Variants in TFEC observed in about 807,000 individuals in gnomAD.
TFEC encodes the protein class E basic helix-loop-helix protein 34.
A neutral mutation model predicts 41.6 loss-of-function variants in TFEC; 31 were observed. That is an observed-to-expected ratio of 0.74 (90% CI 0.56 to 1.01). The LOEUF (loss-of-function observed/expected upper bound fraction) is 1.01. Among genes scored for constraint, TFEC ranks in the 50% least tolerant of loss-of-function variants. The pLI, the probability that TFEC is intolerant of heterozygous loss-of-function variation, is 0.00. For missense variants in TFEC, 402 were observed against 404.1 expected, an observed-to-expected ratio of 0.99 and a Z score of 0.04; for synonymous variants, 143 against 140.6, an observed-to-expected ratio of 1.02 and a Z score of -0.12.
chr7:115,992,119 C>T (rs1463106049), intron 1 of TFEC, among the ~76,000 whole-genome samples: 1 of 152,020 alleles, frequency 6.6e-6, no homozygotes, highest in African/African-American at 2.4e-5. Context: ...GGGTACACGA[C>T]GAAATGAAGG....
At chr7:116,054,017 T>C (rs980301797) in intron 3 of TFEC, among the ~76,000 whole-genome samples, 1 of 152,216 alleles carries the variant, frequency 6.6e-6, no homozygotes, top group Non-Finnish European at 1.5e-5. Flanking sequence ...GCAGAATGAT[T>C]TGATAACTTA....
chr7:115,981,345 A>T (rs531224834), intron 2 of TFEC, among the ~76,000 whole-genome samples: 146 of 152,268 alleles, frequency 9.6e-4, no homozygotes, highest in African/African-American at 3.1e-3. Flanking sequence ...GAAAAAATTT[A>T]TCTTCTGAGT....
At chr7:116,044,244 G>C (rs140654322) in intron 3 of TFEC, among the ~76,000 whole-genome samples, 1 of 152,052 alleles carries the variant, frequency 6.6e-6, no homozygotes, top group Non-Finnish European at 1.5e-5. Context: ...CATATCCTTC[G>C]TCATGGCCAG....
chr7:115,998,718 T>G (rs1468599666), intron 1 of TFEC, among the ~76,000 whole-genome samples: 3 of 151,760 alleles, frequency 2.0e-5, no homozygotes, highest in Non-Finnish European at 4.4e-5. Flanking sequence ...AGAAAAAAGG[T>G]GTAAGAAGAG....
At chr7:116,117,118 T>C (rs1316187135) in intron 1 of TFEC, among the ~76,000 whole-genome samples, 2 of 151,888 alleles carry the variant, frequency 1.3e-5, no homozygotes, top group African/African-American at 2.4e-5. Flanking sequence ...AAATTAATTA[T>C]GGTGGAAACC....
At position 116,153,773 on chromosome 7, in the gene TFEC, T is replaced by C. The variant is rs537413743; in HGVS notation, c.-69+6017A>G. ...AGATTGGAATGAATTGGACACTGCATAAAAAAAAGATTAGGAAAGTTAAAG... is the reference window on the plus strand; with the variant it reads ...AGATTGGAATGAATTGGACACTGCACAAAAAAAAGATTAGGAAAGTTAAAG... On this transcript the variant is annotated intron_variant, in intron 1 of 8. Coordinates refer to the TFEC transcript ENST00000484212. Among the ~76,000 whole-genome samples the C allele has an allele frequency of 9.2e-5, 14 of 151,696 alleles. No homozygotes were observed. In the East Asian group the frequency reaches 2.7e-3, roughly 29 times the overall value.
chr7:116,014,441 G>T (rs1795115733), intron 1 of TFEC, among the ~76,000 whole-genome samples: 1 of 151,266 alleles, frequency 6.6e-6, no homozygotes, highest in Non-Finnish European at 1.5e-5. Context: ...CATAGAGGAG[G>T]ACCCAAAATT....
intron 2 of TFEC, among the ~76,000 whole-genome samples, chr7:115,982,989 AT>A (rs1428171122): frequency 6.6e-6 from 1 of 152,112 alleles, no homozygotes; most frequent in Non-Finnish European, 1.5e-5. Flanking sequence ...ATCCTTCAAG[AT>A]TTGTTTTTCT....
chr7:115,949,672 T>C (rs1791821771), intron 6 of TFEC, among the ~76,000 whole-genome samples: 1 of 151,988 alleles, frequency 6.6e-6, no homozygotes, highest in African/African-American at 2.4e-5. Flanking sequence ...ACTGGATCCC[T>C]TCCTTACACC....
rs545590327 is a variant in TFEC at position 116,156,939 on chromosome 7, T to C, written c.-69+2851A>G. Among the ~76,000 whole-genome samples the C allele has an allele frequency of 2.0e-5, 3 of 152,324 alleles. No homozygotes were observed. The South Asian group carries it at 6.2e-4, about 32-fold the overall frequency. On this transcript the variant is annotated intron_variant, in intron 1 of 8. Transcript: ENST00000484212. ...GAAGGCTTAGCTTAAGTTGACCTTA[T>C]TGATACTTTTTTTGTCTTACCTTTT...
chr7:116,128,565 A>T (rs1032394919), intron 1 of TFEC, among the ~76,000 whole-genome samples: 89 of 152,154 alleles, frequency 5.8e-4, no homozygotes, highest in African/African-American at 2.1e-3. Flanking sequence ...TATTTTTATA[A>T]ATCAAAGCTA....
At chr7:116,133,404 G>A (rs1798372953) in intron 1 of TFEC, among the ~76,000 whole-genome samples, 1 of 152,082 alleles carries the variant, frequency 6.6e-6, no homozygotes, top group Non-Finnish European at 1.5e-5. Flanking sequence ...ACAAAAATTA[G>A]CCAGACGTGG....
At chr7:115,946,410 TGTGTGTGTG>T (rs1791555239) in intron 6 of TFEC, among the ~76,000 whole-genome samples, 1 of 127,094 alleles carries the variant, frequency 7.9e-6, no homozygotes, top group Non-Finnish European at 1.8e-5. Context: ...TGTGTGTGTG[TGTGTGTGTG>T]TGTGTGTGTG....
chr7:116,139,983 G>C (rs1266336657), intron 1 of TFEC, among the ~76,000 whole-genome samples: 2 of 152,202 alleles, frequency 1.3e-5, no homozygotes, highest in Non-Finnish European at 2.9e-5. Flanking sequence ...GATAAACAAA[G>C]CAAAAGGGAG....
chr7:115,991,106 C>A (rs1192822260), intron 1 of TFEC, among the ~76,000 whole-genome samples: 3 of 152,132 alleles, frequency 2.0e-5, no homozygotes, highest in South Asian at 2.1e-4. Flanking sequence ...ATTTTCAACC[C>A]AGAATTTCAT....
intron 3 of TFEC, among the ~76,000 whole-genome samples, chr7:115,972,119 T>C (rs1331958138): frequency 2.0e-5 from 3 of 152,094 alleles, no homozygotes; most frequent in Non-Finnish European, 4.4e-5. Context: ...TCTTGCCTTA[T>C]GTTGTTCTCT....
intron 1 of TFEC, among the ~76,000 whole-genome samples, chr7:115,997,053 T>G (rs1584665664): frequency 6.6e-6 from 1 of 152,254 alleles, no homozygotes; most frequent in East Asian, 1.9e-4. Context: ...CTTTACTACC[T>G]GCTGATTGTA....
At chr7:116,026,555 C>G (rs561124028) in intron 1 of TFEC, among the ~76,000 whole-genome samples, 1 of 152,104 alleles carries the variant, frequency 6.6e-6, no homozygotes, top group African/African-American at 2.4e-5. Context: ...AATTACTGAA[C>G]GAGGTAAAAT....
chr7:115,984,590 T>A, intron 1 of TFEC, 77 bp from the exon 2 acceptor site: 1 of 1,509,744 alleles, frequency 6.6e-7, no homozygotes. Flanking sequence ...ACAATTGCAC[T>A]AGGATAATAA....
Sources: allele counts gnomAD v4.1 joint callset (sites outside exome capture counted in the v4.1 genomes callset), GRCh38; gene constraint gnomAD v4.1.1; transcripts MANE v1.5; gene names NCBI Gene and HGNC (gene_info 2026-07-23, HGNC 2026-07-21).